Variants in PDCD5 observed in about 807,000 individuals in gnomAD.
PDCD5 encodes the protein programmed cell death 5, also known as programmed cell death protein 5.
A neutral mutation model predicts 21.9 loss-of-function variants in PDCD5; 23 were observed. The ratio of observed to expected loss-of-function variants is 1.05; its 90% CI spans 0.76 to 1.49. The LOEUF (loss-of-function observed/expected upper bound fraction) is 1.49, where lower values mean the gene tolerates loss of function less well. Ranked by LOEUF, PDCD5 falls within the 40% of genes most tolerant of loss-of-function variation. The pLI, the probability that PDCD5 is intolerant of heterozygous loss-of-function variation, is 0.00. For synonymous variants in PDCD5, 45 were observed against 49.4 expected (o/e 0.91, Z 0.37); for missense variants, 152 against 147.7 (o/e 1.03, Z -0.15).
At chr19:32,586,291 G>A in intron 4 of PDCD5, 1 of 1,386,844 alleles carries the variant, frequency 7.2e-7, no homozygotes, top group Middle Eastern at 2.7e-4. Flanking sequence ...CTGTGTTGCT[G>A]TAATACCATG....
At chr19:32,582,133 G>T in intron 1 of PDCD5, 62 bp from the exon 2 acceptor site, 2 of 1,174,870 alleles carry the variant, frequency 1.7e-6, no homozygotes, top group Non-Finnish European at 2.5e-6. Flanking sequence ...CAACAGAACC[G>T]TTCCTTTTTC....
intron 4 of PDCD5, chr19:32,586,572 C>A: frequency 8.6e-7 from 1 of 1,158,432 alleles, no homozygotes; most frequent in East Asian, 5.1e-5. Context: ...TCACACTCAG[C>A]TAGTGATGAT....
At chr19:32,585,156 C>T in intron 3 of PDCD5, 145 bp downstream of exon 3, 1 of 681,572 alleles carries the variant, frequency 1.5e-6, no homozygotes, top group East Asian at 2.7e-5. Context: ...GTTTATAAAC[C>T]TAGAGAACTG....
intron 2 of PDCD5, among the ~76,000 whole-genome samples, chr19:32,582,579 T>C (rs1971439236): frequency 6.6e-6 from 1 of 152,204 alleles, no homozygotes; most frequent in African/African-American, 2.4e-5. Flanking sequence ...TGGTAAGCTA[T>C]TCTGATTGTT....
intron 1 of PDCD5, chr19:32,581,529 G>A (rs1971425764): frequency 2.7e-6 from 1 of 372,926 alleles, no homozygotes; most frequent in East Asian, 4.1e-5. Context: ...TGGCGGCGGG[G>A]GCCGCCACGT....
At chr19:32,583,565 A>C (rs1309518486) in intron 2 of PDCD5, among the ~76,000 whole-genome samples, 1 of 151,044 alleles carries the variant, frequency 6.6e-6, no homozygotes, top group Non-Finnish European at 1.5e-5. Context: ...TTTTGAATGG[A>C]GATCTCTATT....
At chr19:32,587,054 GTT>G in intron 5 of PDCD5, 125 bp downstream of exon 5, 2 of 957,184 alleles carry the variant, frequency 2.1e-6, no homozygotes, top group Non-Finnish European at 3.2e-6. Context: ...ACACGTGAAA[GTT>G]TGGGGAGAAA....
chr19:32,582,445 T>C (rs1230132882), intron 2 of PDCD5, among the ~76,000 whole-genome samples: 1 of 152,182 alleles, frequency 6.6e-6, no homozygotes, highest in Non-Finnish European at 1.5e-5. Context: ...TGGTTGATGT[T>C]TCTCTGCTAC....
Position 32,584,979 on chromosome 19 carries a change from C to G in PDCD5, c.134C>G (p.Ala45Gly). ...REAEMRNSIL[A>G]QVLDQSARAR... ...GCAGAAATGAGAAACAGTATCTTAGCCCAAGTTCTGGATCAGTCGGCCCGG... is the reference window on the plus strand; with the variant it reads ...GCAGAAATGAGAAACAGTATCTTAGGCCAAGTTCTGGATCAGTCGGCCCGG... Residue 45 changes from alanine to glycine, a missense_variant, in exon 3 of 6, where the codon GCC becomes GGC. By Grantham distance (60) the Ala-to-Gly change is moderately conservative. Coordinates refer to ENST00000590247, the MANE Select transcript of PDCD5 (RefSeq NM_004708.4). 6.2e-7 allele frequency: 1 copy of G among 1,614,022 alleles called. No individual in the cohort carries two copies. Among genetic ancestry groups the G allele is most frequent in the Non-Finnish European group, 8.5e-7 (1 of 1,179,888 alleles).
At chr19:32,586,985 T>C in intron 5 of PDCD5, 56 bp downstream of exon 5, 2 of 1,362,478 alleles carry the variant, frequency 1.5e-6, no homozygotes, top group Non-Finnish European at 2.1e-6. Context: ...TAAAGATTAA[T>C]GTTGAGTATA....
intron 1 of PDCD5, chr19:32,581,643 C>T (rs1971427237): frequency 7.2e-6 from 2 of 278,970 alleles, no homozygotes; most frequent in East Asian, 1.3e-4. Flanking sequence ...GAGCCAGCAG[C>T]CGGACCGAAT....
Position 32,587,317 on chromosome 19 carries a change from G to A in PDCD5, c.*17G>A, listed in dbSNP as rs779247616. 4 of 1,575,538 alleles carry A rather than the reference G, an allele frequency of 2.5e-6. No homozygotes were observed. The East Asian group carries it at 9.0e-5, about 35-fold the overall frequency. ...GATTATTGAACTACAAGTGCTCACA[G>A]ACTAGAACTTAACGGAACAAGTCTA... On this transcript the variant is annotated 3_prime_UTR_variant, in exon 6 of 6. Transcript: ENST00000590247.
At chr19:32,586,023 ATTG>A (rs1971472912) in intron 4 of PDCD5, 116 bp downstream of exon 4, 1 of 1,600,054 alleles carries the variant, frequency 6.2e-7, no homozygotes, top group South Asian at 1.1e-5. Flanking sequence ...CTCAGAAGAA[ATTG>A]TTGGAGAGAA....
chr19:32,582,062 G>A (rs1287357196), intron 1 of PDCD5, 133 bp from the exon 2 acceptor site: 4 of 688,168 alleles, frequency 5.8e-6, no homozygotes, highest in Non-Finnish European at 1.0e-5. Context: ...TTTCTGTGAG[G>A]CCCAGTTTCT....
In PDCD5 at chr19:32,581,237, G is replaced by C. The variant is rs1261359391; in HGVS notation, c.-25G>C. 4 of 1,479,348 alleles carry C rather than the reference G, an allele frequency of 2.7e-6. No homozygotes were observed. Among genetic ancestry groups the C allele is most frequent in the Non-Finnish European group, 3.6e-6 (4 of 1,114,466 alleles). The allele number at this position is 1,479,348 out of a possible 1,614,324, so 91.6% of individuals were successfully genotyped here. On this transcript the variant is annotated 5_prime_UTR_variant, in exon 1 of 6. Transcript: ENST00000590247. ...CCGAGGGGCTGCGAGAGTGACCGCG[G>C]CTGCTCCAGCGCTGACGCCGAGCCA... is the stretch of plus-strand genomic sequence containing the variant.
At chr19:32,583,230 A>G (rs1971445746) in intron 2 of PDCD5, among the ~76,000 whole-genome samples, 1 of 152,046 alleles carries the variant, frequency 6.6e-6, no homozygotes, top group Admixed American at 6.6e-5. Flanking sequence ...TTTCTTCTTT[A>G]CGTCAGGGCC....
At position 32,586,858 on chromosome 19, in the gene PDCD5, G is replaced by T. The variant is rs1433446482; in HGVS notation, c.259G>T (p.Val87Leu). ...MARYGQLSEK[V>L]SEQGLIEILK... The stretch of plus-strand genomic sequence containing the variant: ...TTCTTATCTTTTCTGGTTCTCCTAG[G>T]TATCAGAACAAGGTTTAATAGAAAT... Residue 87 changes from valine (V) to leucine (L), a missense_variant and splice_region_variant, in exon 5 of 6, where the codon GTA (valine) becomes TTA (leucine). By Grantham distance (32) the Val-to-Leu change is conservative. Coordinates refer to ENST00000590247, the MANE Select transcript of PDCD5 (RefSeq NM_004708.4). The T allele has an allele frequency of 5.0e-6, 8 of 1,602,744 alleles. No homozygotes were observed. Among genetic ancestry groups the T allele is most frequent in the Non-Finnish European group, 6.8e-6 (8 of 1,176,876 alleles).
chr19:32,585,966 C>G, intron 4 of PDCD5, 59 bp downstream of exon 4: 16 of 1,613,968 alleles, frequency 9.9e-6, no homozygotes, highest in Non-Finnish European at 1.4e-5. Context: ...AACATGGCTT[C>G]AAAAGGTCAG....
rs770287069 is a variant in PDCD5 at position 32,585,915 on chromosome 19, TAGAC to T, written c.258+11_258+14del. The T allele has an allele frequency of 6.2e-6, 10 of 1,613,448 alleles. No homozygotes were observed. The highest frequency in any genetic ancestry group is 4.5e-5 in the East Asian group (2 of 44,890). On this transcript the variant is annotated intron_variant, in intron 4 of 5. Transcript: ENST00000590247. ...GGACAACTAAGTGAGAAGGTAAGCT[TAGAC>T]AGCCTTGAGGAACTTTACTGTTACC...
Sources: allele counts gnomAD v4.1 joint callset (sites outside exome capture counted in the v4.1 genomes callset), GRCh38; gene constraint gnomAD v4.1.1; transcripts MANE v1.5; gene names NCBI Gene and HGNC (gene_info 2026-07-23, HGNC 2026-07-21).